The following SYBU variants were observed in gnomAD, a reference collection of about 807,000 sequenced individuals.
SYBU encodes the protein syntabulin.
Under a neutral mutation model 35.9 loss-of-function variants are expected in SYBU, and 21 were observed. The ratio of observed to expected loss-of-function variants is 0.58; its 90% CI spans 0.41 to 0.84. The LOEUF (loss-of-function observed/expected upper bound fraction) is 0.84. Among genes scored for constraint, SYBU ranks in the 40% least tolerant of loss-of-function variants. SYBU has a pLI of 0.00. For synonymous variants in SYBU, 319 were observed against 324.3 expected, an observed-to-expected ratio of 0.98 and a Z score of 0.18; for missense variants, 768 against 848.2, an observed-to-expected ratio of 0.91 and a Z score of 1.17.
intron 2 of SYBU, among the ~76,000 whole-genome samples, chr8:109,633,406 T>A (rs865778171): frequency 2.0e-5 from 3 of 152,212 alleles, no homozygotes; most frequent in Non-Finnish European, 4.4e-5. Context: ...GATGGGTGAA[T>A]GCTGTGTGAT....
At chr8:109,643,248 G>A in intron 1 of SYBU, 1 of 980,698 alleles carries the variant, frequency 1.0e-6, no homozygotes. Flanking sequence ...TTCCCACCCT[G>A]ACTTCTATCA....
intron 5 of SYBU, among the ~76,000 whole-genome samples, chr8:109,579,377 A>T (rs552127899): frequency 9.3e-4 from 142 of 152,034 alleles, no homozygotes; most frequent in Non-Finnish European, 1.7e-3. Flanking sequence ...CCCACCTTTC[A>T]CACACCCCTG....
rs903524648 is a variant in SYBU at position 109,577,959 on chromosome 8, C to T, written c.793G>A (p.Glu265Lys). Reference protein sequence around the residue: ...ENHGVRPPNPEQYLTPLQQKE... With the variant: ...ENHGVRPPNPKQYLTPLQQKE... ...TGCTGCAGTGGAGTCAAATACTGCT[C>T]TGGGTTTGGGGGTCTGACACCATGA... Residue 265 changes from glutamate to lysine, a missense_variant, in exon 6 of 7, where the codon GAG becomes AAG. By Grantham distance (56) the Glu-to-Lys change is moderately conservative. Transcript: ENST00000276646. 1 of 1,613,982 alleles carries T rather than the reference C, an allele frequency of 6.2e-7. No homozygotes were observed. Among genetic ancestry groups the T allele is most frequent in the Non-Finnish European group, 8.5e-7 (1 of 1,179,946 alleles).
chr8:109,614,333 TTAGG>T (rs1811502681), intron 3 of SYBU, among the ~76,000 whole-genome samples: 1 of 152,240 alleles, frequency 6.6e-6, no homozygotes, highest in African/African-American at 2.4e-5. Context: ...AGTAATCCAA[TTAGG>T]TAGGTCTTTC....
chr8:109,639,194 T>C (rs1814576551), intron 2 of SYBU, among the ~76,000 whole-genome samples: 1 of 152,206 alleles, frequency 6.6e-6, no homozygotes, highest in African/African-American at 2.4e-5. Flanking sequence ...AGTTGACATT[T>C]GTTTTGCTGA....
At chr8:109,665,368 G>A (rs1816717743) in intron 1 of SYBU, among the ~76,000 whole-genome samples, 1 of 152,150 alleles carries the variant, frequency 6.6e-6, no homozygotes, top group Admixed American at 6.6e-5. Context: ...ACATTGGACA[G>A]CACAGGTCTA....
At chr8:109,586,033 A>T in intron 4 of SYBU, 27 bp downstream of exon 4, 1 of 1,561,096 alleles carries the variant, frequency 6.4e-7, no homozygotes. Context: ...AAAGCGTCTT[A>T]ATTACAGAGC....
Position 109,578,031 on chromosome 8 carries a change from A to C in SYBU, c.735-14T>G. ...CTTCCAGAACGCCTGAAACAATCCA[A>C]GTAATGAAATGTTACTTTTTGCCGT... On this transcript the variant is annotated splice_polypyrimidine_tract_variant and intron_variant, in intron 5 of 6. Coordinates refer to ENST00000276646, the MANE Select transcript of SYBU (RefSeq NM_001099754.2). 1 of 1,598,344 alleles carries C rather than the reference A, an allele frequency of 6.3e-7. No individual in the cohort carries two copies. Among genetic ancestry groups the C allele is most frequent in the South Asian group, 1.1e-5 (1 of 88,042 alleles).
chr8:109,680,198 G>C (rs990545677), intron 1 of SYBU: 1 of 152,178 alleles, frequency 6.6e-6, no homozygotes, highest in Non-Finnish European at 1.5e-5. Flanking sequence ...ACATTCTAGA[G>C]CAAAGCCTGC....
intron 1 of SYBU, among the ~76,000 whole-genome samples, chr8:109,658,517 A>T (rs902034247): frequency 7.2e-5 from 11 of 152,224 alleles, no homozygotes; most frequent in African/African-American, 2.7e-4. Context: ...GATGACTAAG[A>T]CAAGGTATGT....
At position 109,665,312 on chromosome 8, in the gene SYBU, G is replaced by A. The variant is rs886084026; in HGVS notation, c.-129+15399C>T. On this transcript the variant is annotated intron_variant, in intron 1 of 5. Transcript: ENST00000408889. The stretch of plus-strand genomic sequence containing the variant: ...ACACTTACAACACATCTCAGTTTAG[G>A]CTAGCCATAATTCAAGTGCTTGATA... 9.2e-5 allele frequency among the ~76,000 whole-genome samples: 14 copies of A among 152,194 alleles called. No individual in the cohort carries two copies. In the East Asian group the frequency reaches 2.7e-3, roughly 29 times the overall value.
At chr8:109,681,410 G>A (rs554185723), upstream of SYBU, among the ~76,000 whole-genome samples, 1 of 152,114 alleles carries the variant, frequency 6.6e-6, no homozygotes, top group Admixed American at 6.5e-5. Flanking sequence ...GTGTTAACAT[G>A]ATATATTTTA....
At chr8:109,675,405 A>G (rs1450383078) in intron 1 of SYBU, among the ~76,000 whole-genome samples, 2 of 152,200 alleles carry the variant, frequency 1.3e-5, no homozygotes, top group African/African-American at 4.8e-5. Context: ...AGACTAATAA[A>G]GAATAAAAGA....
intron 2 of SYBU, among the ~76,000 whole-genome samples, chr8:109,637,153 C>G (rs973166138): frequency 6.6e-6 from 1 of 152,158 alleles, no homozygotes; most frequent in Non-Finnish European, 1.5e-5. Context: ...GATTCCTGAG[C>G]CCTTTCATTT....
chr8:109,665,963 G>T (rs1816738042), intron 1 of SYBU, among the ~76,000 whole-genome samples: 1 of 152,156 alleles, frequency 6.6e-6, no homozygotes, highest in African/African-American at 2.4e-5. Context: ...GAAACTAGAT[G>T]CCTGCTGTTC....
chr8:109,608,782 G>C (rs544961358), intron 3 of SYBU, among the ~76,000 whole-genome samples: 14 of 152,266 alleles, frequency 9.2e-5, no homozygotes, highest in African/African-American at 2.9e-4. Flanking sequence ...AATAATAAAA[G>C]TGATCATTTA....
intron 2 of SYBU, among the ~76,000 whole-genome samples, chr8:109,629,726 T>G (rs369385282): frequency 2.6e-5 from 4 of 151,996 alleles, no homozygotes; most frequent in African/African-American, 9.7e-5. Flanking sequence ...CCACACTGAC[T>G]TCCACAATGG....
chr8:109,664,039 C>T (rs1399110130), intron 1 of SYBU, among the ~76,000 whole-genome samples: 1 of 152,052 alleles, frequency 6.6e-6, no homozygotes, highest in Non-Finnish European at 1.5e-5. Flanking sequence ...TTGCACAATG[C>T]TAATTATGAT....
intron 3 of SYBU, chr8:109,608,054 A>G (rs1826250929): frequency 9.3e-6 from 10 of 1,075,632 alleles, no homozygotes; most frequent in Non-Finnish European, 1.3e-5. Flanking sequence ...TGGGGTATCC[A>G]TGGAGACTGA....
Sources: gnomAD v4.1 joint callset for allele counts (sites outside exome capture counted in the v4.1 genomes callset) on GRCh38, gnomAD v4.1.1 for gene constraint, MANE v1.5 for transcripts, NCBI Gene and HGNC (gene_info 2026-07-23, HGNC 2026-07-21) for gene names.